KHDRBS2: variants seen among roughly 807,000 people sequenced by gnomAD.
The protein encoded by KHDRBS2 is KH RNA binding domain containing, signal transduction associated 2.
Under a neutral mutation model 44.3 loss-of-function variants are expected in KHDRBS2, and 26 were observed. The ratio of observed to expected loss-of-function variants is 0.59; its 90% CI spans 0.43 to 0.81. The LOEUF is 0.81. Ranked by LOEUF, KHDRBS2 falls within the 40% of genes least tolerant of loss-of-function variation. KHDRBS2 has a pLI of 0.00. For synonymous variants in KHDRBS2, 194 were observed against 151.1 expected (o/e 1.28, Z -2.08); for missense variants, 476 against 433.1 (o/e 1.10, Z -0.88).
chr6:61,607,519 G>GCAAAAAAAAAAAAAAAAAAA, the KHDRBS2 span, among the ~76,000 whole-genome samples: 1 of 23,322 alleles, frequency 4.3e-5, no homozygotes, highest in Non-Finnish European at 7.6e-5. Flanking sequence ...TGAGTTCCAA[G>GCAAAAAAAAAAAAAAAAAAA]CAAAAAAAAA....
chr6:61,896,621 C>A (rs1233609511), intron 5 of KHDRBS2, among the ~76,000 whole-genome samples: 2 of 152,176 alleles, frequency 1.3e-5, no homozygotes. Flanking sequence ...TAATTCAAAT[C>A]ACTTTTTTTA....
chr6:62,018,287 C>A (rs1781589757), intron 3 of KHDRBS2, among the ~76,000 whole-genome samples: 1 of 146,900 alleles, frequency 6.8e-6, no homozygotes, highest in African/African-American at 2.6e-5. Context: ...TATTCACACA[C>A]TATATATATA....
the KHDRBS2 span, among the ~76,000 whole-genome samples, chr6:61,556,056 T>C: frequency 2.0e-5 from 3 of 152,170 alleles, no homozygotes; most frequent in African/African-American, 7.2e-5. Context: ...GGGCCACTGG[T>C]GGGCCTAGGG....
chr6:62,071,726 C>T (rs1795150356), intron 2 of KHDRBS2, among the ~76,000 whole-genome samples: 1 of 152,174 alleles, frequency 6.6e-6, no homozygotes, highest in South Asian at 2.1e-4. Flanking sequence ...CAGTACCATG[C>T]TGTTTTGGTT....
Position 61,683,782 on chromosome 6 carries a change from T to G in KHDRBS2, c.953-2722A>C, listed in dbSNP as rs551022082. On this transcript the variant is annotated intron_variant, in intron 8 of 8. Transcript: ENST00000281156. ...TATGTGCTCTTTTATAACGCTCTGC[T>G]TCTATGTGAATTAATACTATGCTCT... Among the ~76,000 whole-genome samples the G allele has an allele frequency of 3.9e-5, 6 of 151,972 alleles. No homozygotes were observed. The East Asian group carries it at 5.9e-4, about 15-fold the overall frequency.
intron 6 of KHDRBS2, among the ~76,000 whole-genome samples, chr6:61,848,138 A>C (rs1794677666): frequency 6.6e-6 from 1 of 151,956 alleles, no homozygotes; most frequent in Non-Finnish European, 1.5e-5. Context: ...GCCATGTTAT[A>C]TTCAGGTACT....
chr6:62,107,108 G>A (rs1768394554), intron 2 of KHDRBS2, among the ~76,000 whole-genome samples: 1 of 151,380 alleles, frequency 6.6e-6, no homozygotes, highest in African/African-American at 2.4e-5. Context: ...TTAGGCAGGA[G>A]AAGGAAATAA....
At chr6:61,806,766 T>G (rs370539395) in intron 6 of KHDRBS2, among the ~76,000 whole-genome samples, 1 of 152,106 alleles carries the variant, frequency 6.6e-6, no homozygotes, top group African/African-American at 2.4e-5. Context: ...CTAATTTCTA[T>G]AGATACTGGC....
chr6:61,828,792 T>C (rs1353640529), intron 6 of KHDRBS2, among the ~76,000 whole-genome samples: 2 of 152,238 alleles, frequency 1.3e-5, no homozygotes, highest in East Asian at 3.9e-4. Context: ...GCAGATACAA[T>C]ATTTTATTTA....
At chr6:61,622,709 G>A in the KHDRBS2 span, among the ~76,000 whole-genome samples, 4 of 152,122 alleles carry the variant, frequency 2.6e-5, no homozygotes, top group African/African-American at 9.7e-5. Flanking sequence ...AAGTGAACAT[G>A]CTTGAATGGC....
intron 2 of KHDRBS2, among the ~76,000 whole-genome samples, chr6:62,102,572 G>A (rs1802151360): frequency 5.9e-5 from 9 of 152,132 alleles, no homozygotes; most frequent in Admixed American, 5.9e-4. Flanking sequence ...GTGTGTTTCG[G>A]CCCGTTTCTG....
the KHDRBS2 span, among the ~76,000 whole-genome samples, chr6:61,573,925 G>T: frequency 6.6e-6 from 1 of 152,078 alleles, no homozygotes; most frequent in East Asian, 1.9e-4. Context: ...AACAGTGCTG[G>T]TATTAAAAAA....
At chr6:61,848,269 T>A (rs2127279172) in intron 6 of KHDRBS2, among the ~76,000 whole-genome samples, 1 of 151,036 alleles carries the variant, frequency 6.6e-6, no homozygotes. Context: ...AAACACCATT[T>A]ATGAAATTGA....
chr6:61,586,395 T>C, the KHDRBS2 span, among the ~76,000 whole-genome samples: 1 of 151,980 alleles, frequency 6.6e-6, no homozygotes, highest in African/African-American at 2.4e-5. Flanking sequence ...GGGAAGAATA[T>C]CTTCCACGTT....
intron 6 of KHDRBS2, among the ~76,000 whole-genome samples, chr6:61,806,255 T>A (rs1468755841): frequency 1.3e-5 from 2 of 152,158 alleles, no homozygotes; most frequent in Non-Finnish European, 2.9e-5. Flanking sequence ...CCTGATTCTC[T>A]GTTGGGGTAC....
At chr6:61,967,855 TACATACACACATACACAC>T (rs1419443453) in intron 4 of KHDRBS2, among the ~76,000 whole-genome samples, 1 of 142,518 alleles carries the variant, frequency 7.0e-6, no homozygotes, top group Admixed American at 7.2e-5. Context: ...CATACATACA[TACATACACACATACACAC>T]ACATACACAC....
chr6:61,543,052 G>A, the KHDRBS2 span, among the ~76,000 whole-genome samples: 4 of 151,896 alleles, frequency 2.6e-5, no homozygotes, highest in East Asian at 1.9e-4. Context: ...ATTGGCTGTG[G>A]CAAAGATTTC....
intron 8 of KHDRBS2, among the ~76,000 whole-genome samples, chr6:61,682,833 T>A (rs532999138): frequency 6.6e-6 from 1 of 151,958 alleles, no homozygotes; most frequent in African/African-American, 2.4e-5. Flanking sequence ...TGATTGGAAC[T>A]AAATAAAACT....
At chr6:62,117,783 A>T (rs1183087883) in intron 2 of KHDRBS2, among the ~76,000 whole-genome samples, 9 of 149,482 alleles carry the variant, frequency 6.0e-5, no homozygotes, top group African/African-American at 1.7e-4. Flanking sequence ...CAAATATTTT[A>T]TTTTTTTTTT....
Sources: allele counts gnomAD v4.1 joint callset (sites outside exome capture counted in the v4.1 genomes callset), GRCh38; gene constraint gnomAD v4.1.1; transcripts MANE v1.5; gene names NCBI Gene and HGNC (gene_info 2026-07-23, HGNC 2026-07-21).